COL28A1: variants seen among roughly 807,000 people sequenced by gnomAD.
COL28A1 encodes collagen alpha-1(XXVIII) chain.
In COL28A1, 161 loss-of-function variants were observed where a neutral mutation model predicts 150.2. The observed-to-expected ratio is 1.07, with a 90% CI of 0.94 to 1.22. The LOEUF is 1.22. Ranked by LOEUF, COL28A1 falls within the 50% of genes most tolerant of loss-of-function variation. COL28A1 has a pLI of 0.00. For missense variants in COL28A1, 1,617 were observed against 1,388.3 expected (o/e 1.16, Z -2.62); for synonymous variants, 552 against 469.7 (o/e 1.18, Z -2.26).
At chr7:7,441,642 A>C (rs1190594956) in intron 20 of COL28A1, among the ~76,000 whole-genome samples, 1 of 152,170 alleles carries the variant, frequency 6.6e-6, no homozygotes, top group Non-Finnish European at 1.5e-5. Flanking sequence ...AGAGCTTGTT[A>C]GACCACAGAT....
chr7:7,352,019 T>C (rs532006056), downstream of COL28A1, among the ~76,000 whole-genome samples: 1 of 152,300 alleles, frequency 6.6e-6, no homozygotes, highest in South Asian at 2.1e-4. Flanking sequence ...CTCTGAAGCC[T>C]GCTACCTGGA....
chr7:7,342,622 A>G, the COL28A1 span, among the ~76,000 whole-genome samples: 1 of 151,968 alleles, frequency 6.6e-6, no homozygotes, highest in South Asian at 2.1e-4. Context: ...TTTTCCTAGA[A>G]ATTCCACATG....
upstream of COL28A1, among the ~76,000 whole-genome samples, chr7:7,537,366 A>C (rs1483314726): frequency 6.6e-6 from 1 of 152,246 alleles, no homozygotes; most frequent in Non-Finnish European, 1.5e-5. Flanking sequence ...AGACATGGGG[A>C]AAACATGTCA....
intron 8 of COL28A1, among the ~76,000 whole-genome samples, chr7:7,514,788 G>A (rs1781330451): frequency 6.6e-6 from 1 of 152,126 alleles, no homozygotes. Flanking sequence ...CACAGCAAGA[G>A]CATGAGCACA....
upstream of COL28A1, among the ~76,000 whole-genome samples, chr7:7,538,197 A>T (rs947751899): frequency 2.0e-5 from 3 of 152,240 alleles, no homozygotes; most frequent in Non-Finnish European, 2.9e-5. Flanking sequence ...TTAGTTTTGC[A>T]CCCAGAGAAA....
intron 18 of COL28A1, among the ~76,000 whole-genome samples, chr7:7,452,039 T>C (rs1444587487): frequency 2.6e-5 from 4 of 152,236 alleles, no homozygotes; most frequent in Non-Finnish European, 5.9e-5. Context: ...GAATCTATCA[T>C]GTCCCGAAAG....
At chr7:7,399,906 T>G (rs1013605049) in intron 27 of COL28A1, among the ~76,000 whole-genome samples, 1 of 152,208 alleles carries the variant, frequency 6.6e-6, no homozygotes, top group African/African-American at 2.4e-5. Context: ...GAGCTGCCAG[T>G]ATGCAATGCC....
At chr7:7,483,025 G>C (rs1164039543) in intron 13 of COL28A1, among the ~76,000 whole-genome samples, 1 of 152,140 alleles carries the variant, frequency 6.6e-6, no homozygotes, top group Non-Finnish European at 1.5e-5. Flanking sequence ...CTGAGAGACT[G>C]AGATTCCCAC....
In COL28A1 at chr7:7,487,824, C is replaced by T. The variant is rs546740280; in HGVS notation, c.1164+1565G>A. On this transcript the variant is annotated intron_variant, in intron 13 of 34. Coordinates refer to ENST00000399429, the MANE Select transcript of COL28A1 (RefSeq NM_001037763.3). ...TCACAGAAATGATGCTGTATAATTT[C>T]TGAGGCTAAGCTTTACATGATGAGT... is the stretch of plus-strand genomic sequence containing the variant. 3.9e-5 allele frequency among the ~76,000 whole-genome samples: 6 copies of T among 152,282 alleles called. No individual in the cohort carries two copies. In the South Asian group the frequency reaches 1.0e-3, roughly 26 times the overall value.
At chr7:7,403,598 G>C (rs1309135093) in intron 27 of COL28A1, among the ~76,000 whole-genome samples, 1 of 152,176 alleles carries the variant, frequency 6.6e-6, no homozygotes, top group Non-Finnish European at 1.5e-5. Context: ...GTAAGGATGA[G>C]TGCTACTTTT....
At chr7:7,438,769 A>C (rs1256808873) in intron 21 of COL28A1, among the ~76,000 whole-genome samples, 1 of 152,236 alleles carries the variant, frequency 6.6e-6, no homozygotes, top group Non-Finnish European at 1.5e-5. Context: ...GGAGGGGTTT[A>C]TAATCAAAAC....
At chr7:7,476,621 A>C (rs186242624) in intron 14 of COL28A1, among the ~76,000 whole-genome samples, 6 of 152,346 alleles carry the variant, frequency 3.9e-5, no homozygotes, top group African/African-American at 1.4e-4. Flanking sequence ...GAATTACATA[A>C]GGGAAATGAC....
intron 13 of COL28A1, among the ~76,000 whole-genome samples, chr7:7,482,548 C>A (rs978476921): frequency 1.3e-5 from 2 of 150,364 alleles, no homozygotes; most frequent in African/African-American, 4.9e-5. Flanking sequence ...AAAAAATTCA[C>A]ATCATTGATT....
chr7:7,478,990 A>G (rs1789171377), intron 13 of COL28A1, among the ~76,000 whole-genome samples: 1 of 152,222 alleles, frequency 6.6e-6, no homozygotes, highest in Non-Finnish European at 1.5e-5. Context: ...GGGCTCCCAC[A>G]GTGCAGCGGT....
intron 31 of COL28A1, among the ~76,000 whole-genome samples, chr7:7,375,231 G>A (rs74870156): frequency 0.013 from 1,949 of 152,260 alleles, 13 homozygotes; most frequent in Non-Finnish European, 0.019. Flanking sequence ...CCCTAGGCTG[G>A]CACCTTCACA....
chr7:7,380,732 T>A, intron 29 of COL28A1, 37 bp from the exon 30 acceptor site: 2 of 1,613,340 alleles, frequency 1.2e-6, no homozygotes, highest in Admixed American at 3.3e-5. Context: ...CAATATAGGT[T>A]GGAACCAGTT....
chr7:7,362,526 C>A (rs532049068), intron 33 of COL28A1, among the ~76,000 whole-genome samples: 32 of 152,176 alleles, frequency 2.1e-4, no homozygotes, highest in African/African-American at 7.7e-4. Flanking sequence ...CATACACACA[C>A]AAGAGGGAAA....
At chr7:7,374,294 T>G (rs1462467841) in intron 31 of COL28A1, among the ~76,000 whole-genome samples, 1 of 152,042 alleles carries the variant, frequency 6.6e-6, no homozygotes, top group East Asian at 1.9e-4. Context: ...CATAGCCTTA[T>G]GTGAAAATTG....
Position 7,453,273 on chromosome 7 carries a change from T to C in COL28A1, c.1440+167A>G, listed in dbSNP as rs983366149. Among the ~76,000 whole-genome samples, 21 of 152,206 alleles carry C rather than the reference T, an allele frequency of 1.4e-4. 1 individual carries two copies. Among genetic ancestry groups the C allele is most frequent in the Non-Finnish European group, 1.5e-5 (1 of 68,036 alleles). On this transcript the variant is annotated intron_variant, in intron 17 of 34. Coordinates refer to ENST00000399429, the MANE Select transcript of COL28A1 (RefSeq NM_001037763.3). ...GCTTTCTTAAAGCATAAAGAATACA[T>C]ATTACATTTTCTAAATTGTCAGGAA...
Sources: allele counts gnomAD v4.1 joint callset (sites outside exome capture counted in the v4.1 genomes callset), GRCh38; gene constraint gnomAD v4.1.1; transcripts MANE v1.5; gene names NCBI Gene and HGNC (gene_info 2026-07-23, HGNC 2026-07-21).